The following ERAP1 variants were observed in gnomAD, a reference collection of about 807,000 sequenced individuals.
ERAP1 encodes endoplasmic reticulum aminopeptidase 1.
In ERAP1, 86 loss-of-function variants were observed where a neutral mutation model predicts 103.7. The ratio of observed to expected loss-of-function variants is 0.83; its 90% CI spans 0.70 to 0.99. The LOEUF (loss-of-function observed/expected upper bound fraction) is 0.99, where lower values mean the gene tolerates loss of function less well. Among genes scored for constraint, ERAP1 ranks in the 50% least tolerant of loss-of-function variants. The pLI is 0.00. For synonymous variants in ERAP1, 398 were observed against 402.4 expected (o/e 0.99, Z 0.13); for missense variants, 1,009 against 1,128.4 (o/e 0.89, Z 1.52).
rs201293587 is a variant in ERAP1 at position 96,790,501 on chromosome 5, A to G, written c.1452+11T>C. 46 of 1,613,804 alleles carry G rather than the reference A, an allele frequency of 2.9e-5. 1 individual carries two copies. The highest frequency in any genetic ancestry group is 2.9e-5 in the Non-Finnish European group (34 of 1,179,892). Reference sequence around the variant, plus strand: ...AATCCCAAATGCAGAGATATTCAAAAACATACTCACACTTGCCATACTATC... The same window carrying G: ...AATCCCAAATGCAGAGATATTCAAAGACATACTCACACTTGCCATACTATC... On this transcript the variant is annotated intron_variant, in intron 9 of 18. Transcript: ENST00000443439.
At chr5:96,765,287 G>A (rs1769462014) in intron 19 of ERAP1, 1 of 1,531,860 alleles carries the variant, frequency 6.5e-7, no homozygotes, top group Non-Finnish European at 8.9e-7. Flanking sequence ...AAGGCAGCCT[G>A]ACCCAGATGA....
chr5:96,770,575 T>G, downstream of ERAP1: 1 of 1,612,904 alleles, frequency 6.2e-7, no homozygotes, highest in Non-Finnish European at 8.5e-7. Flanking sequence ...CACCTAAGAA[T>G]GGAGGTAAAG....
chr5:96,931,078 A>G, the ERAP1 span, among the ~76,000 whole-genome samples: 1 of 152,160 alleles, frequency 6.6e-6, no homozygotes, highest in Non-Finnish European at 1.5e-5. Context: ...ACAAGGCTGT[A>G]AATCAATTGT....
At chr5:96,913,850 G>GA in the ERAP1 span, among the ~76,000 whole-genome samples, 1 of 152,176 alleles carries the variant, frequency 6.6e-6, no homozygotes, top group Admixed American at 6.5e-5. Context: ...TGTACTGGGG[G>GA]AAAATCTCAG....
chr5:96,894,054 C>A, the ERAP1 span, among the ~76,000 whole-genome samples: 1 of 152,190 alleles, frequency 6.6e-6, no homozygotes, highest in African/African-American at 2.4e-5. Flanking sequence ...TTGATCTTAG[C>A]ACCTGCTTTA....
At chr5:96,806,021 G>C (rs943527946) in intron 1 of ERAP1, 1 of 152,294 alleles carries the variant, frequency 6.6e-6, no homozygotes, top group Non-Finnish European at 1.5e-5. Context: ...GTCTCAACGA[G>C]GATGCAGTGC....
At chr5:96,781,561 G>C in intron 16 of ERAP1, 132 bp downstream of exon 16, 1 of 1,149,754 alleles carries the variant, frequency 8.7e-7, no homozygotes, top group Non-Finnish European at 1.3e-6. Flanking sequence ...CTCATTAGAT[G>C]TGTGCTGACT....
chr5:96,783,426 A>G (rs1775516582), intron 14 of ERAP1, among the ~76,000 whole-genome samples, 191 bp from the exon 15 acceptor site: 2 of 133,392 alleles, frequency 1.5e-5, no homozygotes, highest in Admixed American at 1.6e-4. Context: ...TGACTTTCAT[A>G]TTTTCATAAC....
upstream of ERAP1, among the ~76,000 whole-genome samples, chr5:96,808,769 T>A (rs1341953857): frequency 6.6e-6 from 1 of 152,132 alleles, no homozygotes; most frequent in Non-Finnish European, 1.5e-5. Context: ...TGAGGCTAAA[T>A]GAGGTAACAA....
At chr5:96,843,088 C>T in the ERAP1 span, among the ~76,000 whole-genome samples, 2 of 151,976 alleles carry the variant, frequency 1.3e-5, no homozygotes, top group Non-Finnish European at 2.9e-5. Context: ...AAGAATTGGA[C>T]AAAACACACA....
chr5:96,845,210 C>T, the ERAP1 span, among the ~76,000 whole-genome samples: 11,156 of 151,256 alleles, frequency 0.074, 517 homozygotes, highest in African/African-American at 0.12. Context: ...TCAAACTTCT[C>T]ATTATTTGGG....
chr5:96,777,796 G>C (rs1446265506), intron 18 of ERAP1, among the ~76,000 whole-genome samples: 1 of 152,160 alleles, frequency 6.6e-6, no homozygotes, highest in African/African-American at 2.4e-5. Context: ...CAACAGCGAA[G>C]CCAGCTGTTA....
Position 96,767,381 on chromosome 5 carries a change from C to CCT in ERAP1, c.2819-4155_2819-4154dup, listed in dbSNP as rs1770366160. 5 of 1,431,494 alleles carry CCT rather than the reference C, an allele frequency of 3.5e-6. No homozygotes were observed. The South Asian group carries it at 5.8e-5, about 17-fold the overall frequency. 88.7% of individuals were successfully genotyped at this position (1,431,494 alleles called of 1,614,324 possible). On this transcript the variant is annotated intron_variant, in intron 19 of 19. Coordinates refer to the ERAP1 transcript ENST00000296754. ...GACAATAGATTCTCTACTGCCTAAA[C>CCT]CTAAGTAAACCTTTACAGATATCTA...
the ERAP1 span, among the ~76,000 whole-genome samples, chr5:96,850,366 T>C: frequency 6.6e-6 from 1 of 152,264 alleles, no homozygotes; most frequent in Admixed American, 6.5e-5. Context: ...ATCTAAGATA[T>C]ATTAAAAAAT....
chr5:96,826,220 A>G, the ERAP1 span, among the ~76,000 whole-genome samples: 1 of 152,228 alleles, frequency 6.6e-6, no homozygotes, highest in African/African-American at 2.4e-5. Flanking sequence ...CAGTACAACT[A>G]AACATCTGCC....
chr5:96,807,930 G>C lies in ERAP1; in HGVS notation c.-88C>G. ...ACTGCCGCCGGCCTAGCTCCCCCAGGACCGAAAGTGAAAGTGGAGCCCGGG... is the reference window on the plus strand; with the variant it reads ...ACTGCCGCCGGCCTAGCTCCCCCAGCACCGAAAGTGAAAGTGGAGCCCGGG... On this transcript the variant is annotated 5_prime_UTR_variant, in exon 1 of 19. Transcript: ENST00000443439. 3.0e-6 allele frequency: 3 copies of C among 986,034 alleles called. No homozygotes were observed. Among genetic ancestry groups the C allele is most frequent in the Non-Finnish European group, 3.6e-6 (3 of 830,428 alleles). 61.1% of individuals were successfully genotyped at this position (986,034 alleles called of 1,614,324 possible).
chr5:96,896,960 C>CATATGA, the ERAP1 span: 1 of 1,010,162 alleles, frequency 9.9e-7, no homozygotes, highest in Non-Finnish European at 1.4e-6. Flanking sequence ...TGTCAGTCAA[C>CATATGA]CATATTTATT....
At chr5:96,845,881 A>G in the ERAP1 span, among the ~76,000 whole-genome samples, 1 of 152,216 alleles carries the variant, frequency 6.6e-6, no homozygotes, top group East Asian at 1.9e-4. Flanking sequence ...ATACAAGTAC[A>G]TGATTTTAAA....
intron 18 of ERAP1, 171 bp from the exon 19 acceptor site, chr5:96,776,722 G>A: frequency 1.2e-6 from 1 of 845,614 alleles, no homozygotes; most frequent in Non-Finnish European, 1.8e-6. Context: ...ATGAGCTCAT[G>A]CCTCATGATG....
Sources: gnomAD v4.1 joint callset for allele counts (sites outside exome capture counted in the v4.1 genomes callset) on GRCh38, gnomAD v4.1.1 for gene constraint, MANE v1.5 for transcripts, NCBI Gene and HGNC (gene_info 2026-07-23, HGNC 2026-07-21) for gene names.